Variants in UPF1 observed in about 807,000 individuals in gnomAD.
UPF1 encodes the protein UPF1 RNA helicase and ATPase.
A neutral mutation model predicts 129.2 loss-of-function variants in UPF1; 9 were observed. That is an observed-to-expected ratio of 0.07 (90% CI 0.04 to 0.12). The LOEUF is 0.12. Ranked by LOEUF, UPF1 falls within the 10% of genes least tolerant of loss-of-function variation. The pLI is 1.00. For synonymous variants in UPF1, 649 were observed against 644.9 expected (o/e 1.01, Z -0.10); for missense variants, 788 against 1,525.3 (o/e 0.52, Z 8.05).
intron 9 of UPF1, 76 bp from the exon 10 acceptor site, chr19:18,854,803 C>A (rs1471363686): frequency 7.5e-6 from 12 of 1,606,674 alleles, no homozygotes; most frequent in Non-Finnish European, 9.4e-6. Flanking sequence ...GGGTTCCCCA[C>A]CCAGCTCTGC....
intron 1 of UPF1, among the ~76,000 whole-genome samples, chr19:18,842,944 G>A (rs1016518267): frequency 1.3e-5 from 2 of 151,576 alleles, no homozygotes; most frequent in Non-Finnish European, 2.9e-5. Context: ...CCGAGATCGC[G>A]CCATTGCACT....
intron 1 of UPF1, among the ~76,000 whole-genome samples, chr19:18,845,735 G>A (rs761869439): frequency 1.2e-4 from 18 of 152,160 alleles, no homozygotes; most frequent in African/African-American, 3.1e-4. Flanking sequence ...GCATGGACAT[G>A]GCTCTGTGGC....
intron 1 of UPF1, among the ~76,000 whole-genome samples, chr19:18,840,256 A>G (rs2055527615): frequency 6.6e-6 from 1 of 152,048 alleles, no homozygotes; most frequent in African/African-American, 2.4e-5. Context: ...GTAAGTGTGT[A>G]AGTGTGTGTG....
chr19:18,864,733 GTTTTTTTT>G (rs10682791), intron 20 of UPF1, among the ~76,000 whole-genome samples: 11 of 73,568 alleles, frequency 1.5e-4, no homozygotes, highest in African/African-American at 6.3e-4. Flanking sequence ...ATTTGCAGGT[GTTTTTTTT>G]TTTTTTTTTT....
intron 23 of UPF1, 98 bp from the exon 24 acceptor site, chr19:18,866,423 G>T: frequency 2.2e-6 from 1 of 463,526 alleles, no homozygotes; most frequent in Non-Finnish European, 3.8e-6. Context: ...GAGTCGGGGA[G>T]GGCAGCTCGG....
chr19:18,855,495 A>G (rs1601118179), intron 11 of UPF1: 1 of 579,350 alleles, frequency 1.7e-6, no homozygotes, highest in African/African-American at 1.9e-5. Flanking sequence ...CAGCAGCGTG[A>G]GTTCCGTGTG....
intron 14 of UPF1, 104 bp from the exon 15 acceptor site, chr19:18,857,216 A>G: frequency 6.8e-7 from 1 of 1,470,248 alleles, no homozygotes; most frequent in Non-Finnish European, 9.2e-7. Context: ...CCCTGTGGCC[A>G]GGTGGTGTCC....
intron 11 of UPF1, chr19:18,855,505 G>T: frequency 1.8e-6 from 1 of 569,228 alleles, no homozygotes; most frequent in Non-Finnish European, 3.1e-6. Context: ...AGTTCCGTGT[G>T]CGGCACTTTA....
At chr19:18,854,510 T>C in intron 8 of UPF1, 91 bp from the exon 9 acceptor site, 1 of 1,054,554 alleles carries the variant, frequency 9.5e-7, no homozygotes, top group South Asian at 1.5e-5. Flanking sequence ...AACTAAATTT[T>C]AAAAACGCTG....
In UPF1 at chr19:18,855,922, C is replaced by T. The variant is rs202092791; in HGVS notation, c.1545-3C>T. ...GCACTGAGCTGCCCCAATGGTGTTG[C>T]AGGCCGGTGCTGGTGTGTGCTCCGA... On this transcript the variant is annotated splice_region_variant and splice_polypyrimidine_tract_variant and intron_variant, in intron 11 of 23. Transcript: ENST00000262803. The T allele has an allele frequency of 1.2e-6, 2 of 1,613,410 alleles. No homozygotes were observed. Among genetic ancestry groups the T allele is most frequent in the Non-Finnish European group, 1.7e-6 (2 of 1,179,850 alleles).
intron 1 of UPF1, among the ~76,000 whole-genome samples, chr19:18,843,068 C>T (rs989571880): frequency 2.6e-5 from 4 of 152,202 alleles, no homozygotes; most frequent in African/African-American, 9.6e-5. Flanking sequence ...CAAGATCCTC[C>T]TGCCTTGGCC....
In UPF1 at chr19:18,860,989, T is replaced by C. The variant is rs1413764258; in HGVS notation, c.2457+7T>C. ...GCACACCAAGCTCTACCAGGTGCGC[T>C]GCGCCCTCGGGCACACTTGGTCTCC... On this transcript the variant is annotated splice_region_variant and intron_variant, in intron 17 of 23. Coordinates refer to ENST00000262803, the MANE Select transcript of UPF1 (RefSeq NM_002911.4). The C allele has an allele frequency of 6.4e-7, 1 of 1,569,118 alleles. No homozygotes were observed. The highest frequency in any genetic ancestry group is 1.8e-5 in the Admixed American group (1 of 54,876).
intron 14 of UPF1, 133 bp from the exon 15 acceptor site, chr19:18,857,187 T>A: frequency 6.8e-7 from 1 of 1,464,426 alleles, no homozygotes; most frequent in Non-Finnish European, 9.2e-7. Flanking sequence ...GCACGTCCAG[T>A]GTGCGTGGTG....
At chr19:18,856,158 C>T (rs752680167) in intron 12 of UPF1, 28 bp from the exon 13 acceptor site, 1 of 1,605,468 alleles carries the variant, frequency 6.2e-7, no homozygotes, top group South Asian at 1.1e-5. Flanking sequence ...AGAACTCAGG[C>T]ACCCTGCTGA....
chr19:18,861,476 A>G (rs1291556812), intron 17 of UPF1, among the ~76,000 whole-genome samples: 1 of 152,222 alleles, frequency 6.6e-6, no homozygotes, highest in Non-Finnish European at 1.5e-5. Context: ...GTTTTTGAGC[A>G]CGGCTCAGGT....
chr19:18,860,294 G>C, intron 15 of UPF1, 27 bp from the exon 16 acceptor site: 1 of 1,611,514 alleles, frequency 6.2e-7, no homozygotes, highest in Non-Finnish European at 8.5e-7. Flanking sequence ...GGCTTTTGAA[G>C]TGTTACTTCT....
chr19:18,865,230 G>A lies in UPF1; in HGVS notation c.2858-59G>A. 1 of 1,524,788 alleles carries A rather than the reference G, an allele frequency of 6.6e-7. No homozygotes were observed. Among genetic ancestry groups the A allele is most frequent in the Non-Finnish European group, 8.9e-7 (1 of 1,127,820 alleles). The allele number at this position is 1,524,788 out of a possible 1,614,324, so 94.5% of individuals were successfully genotyped here. ...CTGACTGGCTGGTGGGGTGGGTGGG[G>A]TATCGCTGGGGTTTGACCGAGGCAG... On this transcript the variant is annotated intron_variant, in intron 20 of 23. Transcript: ENST00000262803. This position sits in a 1 kb window ranked among gnomAD's most constrained non-coding sequence, Gnocchi z 6.1.
chr19:18,846,376 T>G (rs2055599429), intron 2 of UPF1, among the ~76,000 whole-genome samples: 1 of 152,140 alleles, frequency 6.6e-6, no homozygotes, highest in Non-Finnish European at 1.5e-5. Context: ...TTTGGCCTCC[T>G]CAGACCCTGG....
At chr19:18,845,898 A>G in intron 1 of UPF1, 82 bp from the exon 2 acceptor site, 1 of 1,540,222 alleles carries the variant, frequency 6.5e-7, no homozygotes, top group Admixed American at 1.9e-5. Context: ...AGGGTGTCAC[A>G]CCAGAGTCAT....
Sources: allele counts gnomAD v4.1 joint callset (sites outside exome capture counted in the v4.1 genomes callset), GRCh38; gene constraint gnomAD v4.1.1; non-coding constraint Gnocchi (gnomAD v3.1); transcripts MANE v1.5; gene names NCBI Gene and HGNC (gene_info 2026-07-23, HGNC 2026-07-21).